The following USP34 variants were observed in gnomAD, a reference collection of about 807,000 sequenced individuals.
USP34 encodes ubiquitin carboxyl-terminal hydrolase 34.
Under a neutral mutation model 460.3 loss-of-function variants are expected in USP34, and 70 were observed. The observed-to-expected ratio is 0.15, with a 90% CI of 0.13 to 0.19. The LOEUF is 0.19. Among genes scored for constraint, USP34 ranks in the 10% least tolerant of loss-of-function variants. USP34 has a pLI of 1.00. For missense variants in USP34, 3,985 were observed against 4,236.2 expected (o/e 0.94, Z 1.65); for synonymous variants, 1,647 against 1,405.3 (o/e 1.17, Z -3.85).
intron 12 of USP34, among the ~76,000 whole-genome samples, chr2:61,349,865 C>CAAA (rs869042506): frequency 4.3e-4 from 28 of 64,418 alleles, no homozygotes; most frequent in African/African-American, 1.7e-3. Context: ...ACAACAACAA[C>CAAA]AACAAAAAAA....
At chr2:61,319,475 A>G (rs1316088641) in intron 21 of USP34, 148 bp from the exon 22 acceptor site, 7 of 442,546 alleles carry the variant, frequency 1.6e-5, no homozygotes, top group Admixed American at 4.3e-5. Flanking sequence ...GCATAATGAA[A>G]CTAACTTTAC....
rs2103620096 is a variant in USP34 at position 61,293,575 on chromosome 2, G to A, written c.4462-25C>T. The A allele has an allele frequency of 1.9e-6, 3 of 1,580,448 alleles. No homozygotes were observed. In the East Asian group the frequency reaches 6.7e-5, roughly 36 times the overall value. On this transcript the variant is annotated intron_variant, in intron 32 of 79. Transcript: ENST00000398571. ...ACTGTAGGCAATTGTGAAAGTAATA[G>A]TAAGAGAAAAGCAGATATATAATGC...
intron 1 of USP34, among the ~76,000 whole-genome samples, chr2:61,429,825 G>A (rs1055901671): frequency 6.6e-6 from 1 of 152,164 alleles, no homozygotes; most frequent in African/African-American, 2.4e-5. Context: ...ACTTTGGGAG[G>A]CCGAGGCGGG....
intron 1 of USP34, among the ~76,000 whole-genome samples, chr2:61,434,715 T>C (rs901106542): frequency 4.0e-5 from 6 of 149,524 alleles, no homozygotes; most frequent in Non-Finnish European, 7.4e-5. Context: ...TGATCTAAGA[T>C]CCACTTATAT....
At position 61,220,558 on chromosome 2, in the gene USP34, T is replaced by A. The variant is rs1687531721; in HGVS notation, c.7900-101A>T. The A allele has an allele frequency of 2.0e-5, 22 of 1,122,920 alleles. No individual in the cohort carries two copies. In the South Asian group the frequency reaches 5.9e-4, roughly 30 times the overall value. The allele number at this position is 1,122,920 out of a possible 1,614,324, so 69.6% of individuals were successfully genotyped here. A position where few individuals can be genotyped will look rare whatever the true frequency, so the allele number is the denominator to read the frequency against. ...CTATTAGACACAAAGCTAAAGTACT[T>A]TTTTGACAATTAGAGATTAAAAAGG... is the stretch of plus-strand genomic sequence containing the variant. On this transcript the variant is annotated intron_variant, in intron 66 of 79. Coordinates refer to ENST00000398571, the MANE Select transcript of USP34 (RefSeq NM_014709.4).
chr2:61,356,850 G>A (rs554713451), intron 10 of USP34, among the ~76,000 whole-genome samples: 1 of 152,100 alleles, frequency 6.6e-6, no homozygotes, highest in South Asian at 2.1e-4. Flanking sequence ...TGATTAAAGG[G>A]GATCAACTGC....
intron 62 of USP34, among the ~76,000 whole-genome samples, chr2:61,225,164 A>G (rs865915271): frequency 6.6e-6 from 1 of 152,166 alleles, no homozygotes; most frequent in East Asian, 1.9e-4. Context: ...ACTGCTACAG[A>G]TATTTCCAAT....
rs764953171 is a variant in USP34 at position 61,204,144 on chromosome 2, T to G, written c.9384+112A>C. 604 of 1,398,778 alleles carry G rather than the reference T, an allele frequency of 4.3e-4. 1 individual carries two copies. Among genetic ancestry groups the G allele is most frequent in the Middle Eastern group, 3.7e-4 (2 of 5,376 alleles). The allele number at this position is 1,398,778 out of a possible 1,614,324, so 86.6% of individuals were successfully genotyped here. On this transcript the variant is annotated intron_variant, in intron 74 of 79. Transcript: ENST00000398571. ...AAAGTCCAAATGAATCTAATCTTCT[T>G]AGGATCCACAAAATTGGTCACTTAA...
At position 61,435,983 on chromosome 2, in the gene USP34, AC is replaced by A. The variant is rs1694802618; in HGVS notation, c.44-15151del. 3.3e-5 allele frequency among the ~76,000 whole-genome samples: 5 copies of A among 151,592 alleles called. No homozygotes were observed. In the South Asian group the frequency reaches 1.0e-3, roughly 32 times the overall value. On this transcript the variant is annotated intron_variant, in intron 1 of 79. Coordinates refer to ENST00000398571, the MANE Select transcript of USP34 (RefSeq NM_014709.4). ...GCGGAGGCTGCAGTAAACCAAGATCACCCCATTGCACTCCAGCTTGGGTGAC... is the reference window on the plus strand; with the variant it reads ...GCGGAGGCTGCAGTAAACCAAGATCACCCATTGCACTCCAGCTTGGGTGAC...
At chr2:61,195,179 A>G (rs1180375854) in intron 75 of USP34, among the ~76,000 whole-genome samples, 1 of 151,730 alleles carries the variant, frequency 6.6e-6, no homozygotes, top group Non-Finnish European at 1.5e-5. Context: ...AAGATTATGC[A>G]ACTGCACTCC....
At chr2:61,420,267 T>C (rs917979100) in intron 2 of USP34, among the ~76,000 whole-genome samples, 1 of 152,212 alleles carries the variant, frequency 6.6e-6, no homozygotes, top group Non-Finnish European at 1.5e-5. Context: ...ATCCTTTTTA[T>C]AAACTTTGAT....
intron 1 of USP34, among the ~76,000 whole-genome samples, chr2:61,470,285 T>TC (rs1312628325): frequency 6.6e-6 from 1 of 152,112 alleles, no homozygotes; most frequent in Non-Finnish European, 1.5e-5. Context: ...GAAAGCCTCG[T>TC]CCTCCGACCC....
chr2:61,266,411 CAAT>C (rs1456689396), intron 41 of USP34, among the ~76,000 whole-genome samples: 1 of 152,176 alleles, frequency 6.6e-6, no homozygotes, highest in African/African-American at 2.4e-5. Flanking sequence ...TCTTCACGTA[CAAT>C]GTTGTTATTT....
In USP34 at chr2:61,320,988, C is replaced by T. The variant is rs550588236; in HGVS notation, c.3014-1661G>A. The stretch of plus-strand genomic sequence containing the variant: ...CCTCACCACTGCACTCCATCCTGTG[C>T]GACAAGAGCAAGACTCCGTGTCAAA... On this transcript the variant is annotated intron_variant, in intron 21 of 79. Transcript: ENST00000398571. Among the ~76,000 whole-genome samples the T allele has an allele frequency of 5.9e-5, 9 of 151,370 alleles. No homozygotes were observed. The South Asian group carries it at 1.3e-3, about 21-fold the overall frequency.
chr2:61,277,518 C>G (rs1020280131), intron 41 of USP34, among the ~76,000 whole-genome samples: 1 of 152,114 alleles, frequency 6.6e-6, no homozygotes, highest in African/African-American at 2.4e-5. Context: ...ACTATAGGCA[C>G]GAGCCACCGT....
intron 16 of USP34, among the ~76,000 whole-genome samples, chr2:61,342,464 CTAATT>C (rs1369204605): frequency 5.4e-5 from 8 of 147,840 alleles, no homozygotes; most frequent in Admixed American, 2.8e-4. Context: ...CCATACGCAG[CTAATT>C]TATTTTTTTT....
chr2:61,397,141 T>C (rs1344730495), intron 3 of USP34, among the ~76,000 whole-genome samples: 3 of 152,150 alleles, frequency 2.0e-5, no homozygotes, highest in African/African-American at 7.2e-5. Context: ...GTATATTCTG[T>C]ATTTAATTTT....
At chr2:61,267,607 T>C (rs1169601978) in intron 41 of USP34, among the ~76,000 whole-genome samples, 3 of 151,418 alleles carry the variant, frequency 2.0e-5, no homozygotes, top group African/African-American at 2.4e-5. Context: ...TACACCCAGC[T>C]AATTTTTTGT....
At chr2:61,419,798 CAT>C (rs1233247378) in intron 2 of USP34, among the ~76,000 whole-genome samples, 1 of 152,148 alleles carries the variant, frequency 6.6e-6, no homozygotes, top group Admixed American at 6.5e-5. Flanking sequence ...CAATCATAAA[CAT>C]ATTAGTATTA....
Sources: allele counts gnomAD v4.1 joint callset (sites outside exome capture counted in the v4.1 genomes callset), GRCh38; gene constraint gnomAD v4.1.1; transcripts MANE v1.5; gene names NCBI Gene and HGNC (gene_info 2026-07-23, HGNC 2026-07-21).